Variants in GRID2 observed in about 807,000 individuals in gnomAD.
GRID2 encodes glutamate receptor ionotropic, delta-2.
In GRID2, 33 loss-of-function variants were observed where a neutral mutation model predicts 114.8. The ratio of observed to expected loss-of-function variants is 0.29; its 90% CI spans 0.22 to 0.38. The LOEUF is 0.38. Ranked by LOEUF, GRID2 falls within the 10% of genes least tolerant of loss-of-function variation. The pLI is 1.00. For missense variants in GRID2, 1,184 were observed against 1,257.7 expected (o/e 0.94, Z 0.89); for synonymous variants, 505 against 449.9 (o/e 1.12, Z -1.55).
intron 1 of GRID2, among the ~76,000 whole-genome samples, chr4:92,429,965 C>T (rs1212333075): frequency 6.6e-6 from 1 of 151,946 alleles, no homozygotes; most frequent in East Asian, 1.9e-4. Flanking sequence ...AGATTTTTTC[C>T]TATAGAGTTG....
chr4:93,299,090 G>A (rs1449155129), intron 8 of GRID2, among the ~76,000 whole-genome samples: 1 of 152,166 alleles, frequency 6.6e-6, no homozygotes, highest in Non-Finnish European at 1.5e-5. Flanking sequence ...ACTGCTATAA[G>A]GAATTGGAAT....
At chr4:93,487,484 T>A (rs1726531338) in intron 11 of GRID2, among the ~76,000 whole-genome samples, 2 of 151,876 alleles carry the variant, frequency 1.3e-5, no homozygotes, top group Admixed American at 6.6e-5. Context: ...ATTTTTATTA[T>A]CATCCTATTC....
intron 2 of GRID2, among the ~76,000 whole-genome samples, chr4:93,046,229 A>G (rs1726120890): frequency 6.6e-6 from 1 of 151,964 alleles, no homozygotes. Context: ...TTCCCTCATG[A>G]TATTACATTT....
chr4:92,944,415 A>G (rs189285812), intron 2 of GRID2, among the ~76,000 whole-genome samples: 1 of 152,336 alleles, frequency 6.6e-6, no homozygotes, highest in Admixed American at 6.5e-5. Flanking sequence ...TTGCTAAGAC[A>G]GTTGGAAAAG....
chr4:93,363,184 TC>T (rs1762032603), intron 8 of GRID2, among the ~76,000 whole-genome samples: 1 of 152,104 alleles, frequency 6.6e-6, no homozygotes, highest in Admixed American at 6.6e-5. Flanking sequence ...ACCACTGCAC[TC>T]CAGCCTGGAC....
chr4:93,551,611 T>A (rs1188793106), intron 13 of GRID2, among the ~76,000 whole-genome samples: 3 of 152,176 alleles, frequency 2.0e-5, no homozygotes, highest in African/African-American at 7.2e-5. Context: ...AGATAAAACC[T>A]CTTATCTAAG....
chr4:92,767,011 C>T (rs984548550), intron 2 of GRID2, among the ~76,000 whole-genome samples: 2 of 152,192 alleles, frequency 1.3e-5, no homozygotes, highest in Non-Finnish European at 2.9e-5. Context: ...TGGTAATCAT[C>T]CACCTTCCCT....
chr4:93,797,139 T>A (rs1734821047), intron 1 of GRID2, among the ~76,000 whole-genome samples: 1 of 152,192 alleles, frequency 6.6e-6, no homozygotes, highest in African/African-American at 2.4e-5. Context: ...AGCAAAAATG[T>A]GGTATTATAA....
intron 2 of GRID2, among the ~76,000 whole-genome samples, chr4:92,778,417 C>T (rs1023205038): frequency 3.3e-5 from 5 of 152,044 alleles, no homozygotes; most frequent in African/African-American, 9.7e-5. Context: ...TGCTCCTGAT[C>T]TCAATTTTAT....
intron 2 of GRID2, among the ~76,000 whole-genome samples, chr4:93,030,096 GT>G (rs1724256561): frequency 6.6e-6 from 1 of 152,122 alleles, no homozygotes; most frequent in African/African-American, 2.4e-5. Context: ...GAAAAGTAGA[GT>G]TTCTGTTCTC....
At chr4:93,053,220 G>A (rs1016656138) in intron 2 of GRID2, among the ~76,000 whole-genome samples, 2 of 151,818 alleles carry the variant, frequency 1.3e-5, no homozygotes, top group Non-Finnish European at 2.9e-5. Context: ...TTAATACCGG[G>A]CACCTTCCCA....
At chr4:93,153,534 G>C (rs886858138) in intron 4 of GRID2, among the ~76,000 whole-genome samples, 3 of 152,040 alleles carry the variant, frequency 2.0e-5, no homozygotes, top group African/African-American at 7.2e-5. Context: ...TCCTGAGTTA[G>C]GTAGCAGTGA....
intron 2 of GRID2, among the ~76,000 whole-genome samples, chr4:92,935,991 T>A (rs1477457598): frequency 4.8e-5 from 7 of 145,686 alleles, no homozygotes; most frequent in Middle Eastern, 3.5e-3. Flanking sequence ...CATATGTAAC[T>A]AACCTGCACA....
chr4:92,600,044 G>GTGTGTATATATATATATATA (rs1206780169), intron 2 of GRID2, among the ~76,000 whole-genome samples: 1 of 54,456 alleles, frequency 1.8e-5, no homozygotes, highest in Non-Finnish European at 3.4e-5. Flanking sequence ...GTGTGTGTGT[G>GTGTGTATATATATATATATA]TATATATATA....
At chr4:93,448,897 C>T (rs1425179273) in intron 10 of GRID2, among the ~76,000 whole-genome samples, 1 of 18,192 alleles carries the variant, frequency 5.5e-5, no homozygotes, top group Non-Finnish European at 8.7e-5. Flanking sequence ...CCCTTCCCTT[C>T]CCCTTCCCTT....
intron 8 of GRID2, among the ~76,000 whole-genome samples, chr4:93,291,248 C>T (rs1753732195): frequency 6.6e-6 from 1 of 152,120 alleles, no homozygotes; most frequent in Non-Finnish European, 1.5e-5. Context: ...TTTCATCTTT[C>T]TCATTCCCTA....
At chr4:92,412,103 C>T (rs948401516) in intron 1 of GRID2, among the ~76,000 whole-genome samples, 1 of 149,072 alleles carries the variant, frequency 6.7e-6, no homozygotes, top group African/African-American at 2.5e-5. Context: ...AATTATATAT[C>T]GTGTTTTTTG....
At chr4:92,708,462 C>T (rs577615463) in intron 2 of GRID2, among the ~76,000 whole-genome samples, 1 of 152,180 alleles carries the variant, frequency 6.6e-6, no homozygotes, top group East Asian at 1.9e-4. Flanking sequence ...TTGGTAGCAC[C>T]GCTCTGGAAT....
At chr4:92,307,566 A>G (rs890966418) in intron 1 of GRID2, among the ~76,000 whole-genome samples, 1 of 152,126 alleles carries the variant, frequency 6.6e-6, no homozygotes, top group Non-Finnish European at 1.5e-5. Flanking sequence ...TAGTTTAATA[A>G]GGTCAATTAC....
Sources: gnomAD v4.1 joint callset for allele counts (sites outside exome capture counted in the v4.1 genomes callset) on GRCh38, gnomAD v4.1.1 for gene constraint, MANE v1.5 for transcripts, NCBI Gene and HGNC (gene_info 2026-07-23, HGNC 2026-07-21) for gene names.